PKHD1: variants seen among roughly 807,000 people sequenced by gnomAD.
PKHD1 encodes fibrocystin.
A neutral mutation model predicts 412.0 loss-of-function variants in PKHD1; 291 were observed. The observed-to-expected ratio is 0.71, with a 90% CI of 0.64 to 0.78. The LOEUF (loss-of-function observed/expected upper bound fraction) is 0.78, where lower values mean the gene tolerates loss of function less well. Among genes scored for constraint, PKHD1 ranks in the 30% least tolerant of loss-of-function variants. PKHD1 has a pLI of 0.00. For synonymous variants in PKHD1, 1,777 were observed against 1,821.5 expected, an observed-to-expected ratio of 0.98 and a Z score of 0.62; for missense variants, 4,825 against 4,950.7, an observed-to-expected ratio of 0.97 and a Z score of 0.76.
chr6:51,667,867 G>A (rs1309892936), intron 60 of PKHD1, among the ~76,000 whole-genome samples: 12 of 151,584 alleles, frequency 7.9e-5, no homozygotes, highest in South Asian at 6.3e-4. Flanking sequence ...GATACGCGGC[G>A]TTATTTCTGA....
intron 37 of PKHD1, among the ~76,000 whole-genome samples, chr6:51,914,105 ATCAGTAT>A (rs1253800476): frequency 6.6e-6 from 1 of 152,076 alleles, no homozygotes; most frequent in Non-Finnish European, 1.5e-5. Flanking sequence ...AGACTCTGTG[ATCAGTAT>A]TCACAATTCT....
At chr6:51,812,116 G>T (rs1043518511) in intron 52 of PKHD1, among the ~76,000 whole-genome samples, 1 of 152,110 alleles carries the variant, frequency 6.6e-6, no homozygotes, top group Non-Finnish European at 1.5e-5. Context: ...TTTACATCCC[G>T]CTCGGTCCCT....
At chr6:51,906,699 G>C (rs576948011) in intron 40 of PKHD1, among the ~76,000 whole-genome samples, 129 of 152,260 alleles carry the variant, frequency 8.5e-4, no homozygotes, top group Non-Finnish European at 1.5e-3. Flanking sequence ...ATAACGTGAA[G>C]AGCACTGCTT....
intron 52 of PKHD1, among the ~76,000 whole-genome samples, chr6:51,824,471 TC>T (rs1486180479): frequency 2.0e-5 from 3 of 152,138 alleles, no homozygotes; most frequent in Admixed American, 6.6e-5. Flanking sequence ...GACTTTGACA[TC>T]CTTAAAGCAA....
intron 4 of PKHD1, 146 bp downstream of exon 4, chr6:52,082,246 A>G: frequency 1.3e-6 from 1 of 795,088 alleles, no homozygotes; most frequent in Non-Finnish European, 2.2e-6. Context: ...GACCTTTTAG[A>G]AAGCATATTC....
At chr6:51,844,595 C>T (rs534865697) in intron 50 of PKHD1, among the ~76,000 whole-genome samples, 4 of 152,122 alleles carry the variant, frequency 2.6e-5, no homozygotes, top group Non-Finnish European at 5.9e-5. Flanking sequence ...GTTTTTTCCA[C>T]TCAGCTGGGT....
chr6:52,044,187 C>G (rs1182292565), intron 25 of PKHD1, among the ~76,000 whole-genome samples: 1 of 152,130 alleles, frequency 6.6e-6, no homozygotes, highest in East Asian at 1.9e-4. Flanking sequence ...CTTGGGGTCT[C>G]TTTTGTCACA....
chr6:51,834,969 T>A (rs1768933686), intron 51 of PKHD1, among the ~76,000 whole-genome samples: 1 of 152,170 alleles, frequency 6.6e-6, no homozygotes, highest in Non-Finnish European at 1.5e-5. Context: ...AAGTTTAATA[T>A]CTGGGCTTCA....
chr6:51,658,695 T>C (rs1772297422), intron 61 of PKHD1, among the ~76,000 whole-genome samples: 1 of 152,128 alleles, frequency 6.6e-6, no homozygotes, highest in South Asian at 2.1e-4. Flanking sequence ...TCTTCCTACA[T>C]GCTTTTCACC....
intron 60 of PKHD1, chr6:51,721,115 G>C (rs1039100994): frequency 6.1e-6 from 6 of 981,692 alleles, no homozygotes; most frequent in Non-Finnish European, 6.0e-6. Flanking sequence ...CAGTGCACAA[G>C]AATGGCACAC....
chr6:51,801,128 G>C (rs1350536130), intron 52 of PKHD1, among the ~76,000 whole-genome samples: 2 of 152,124 alleles, frequency 1.3e-5, no homozygotes, highest in Non-Finnish European at 2.9e-5. Context: ...ACAATGATTG[G>C]TGATATTTTC....
At chr6:51,771,633 ATTTGT>A (rs1198371789) in intron 55 of PKHD1, among the ~76,000 whole-genome samples, 2 of 151,912 alleles carry the variant, frequency 1.3e-5, no homozygotes, top group Admixed American at 6.6e-5. Flanking sequence ...AAAAAAAGGA[ATTTGT>A]TTTGTTTTAA....
chr6:52,048,521 C>G lies in PKHD1; in HGVS notation c.2378G>C (p.Arg793Pro). Reference protein sequence around the residue: ...RTSPPLGGHFRIQLPNTVISD... With the variant: ...RTSPPLGGHFPIQLPNTVISD... ...AATCACTGTATTAGGAAGCTGGATGCGAAAGTGTCCTCCTAGAGGTGGACT... is the reference window on the plus strand; with the variant it reads ...AATCACTGTATTAGGAAGCTGGATGGGAAAGTGTCCTCCTAGAGGTGGACT... Residue 793 changes from arginine to proline, a missense_variant, in exon 23 of 67, where the codon CGC (arginine) becomes CCC (proline). By Grantham distance (103) the Arg-to-Pro change is moderately radical (BLOSUM62 -2). Coordinates refer to ENST00000371117, the MANE Select transcript of PKHD1 (RefSeq NM_138694.4). The G allele has an allele frequency of 6.2e-7, 1 of 1,614,062 alleles. No homozygotes were observed. The highest frequency in any genetic ancestry group is 8.5e-7 in the Non-Finnish European group (1 of 1,179,946).
chr6:51,805,201 A>G (rs1384993669), intron 52 of PKHD1, among the ~76,000 whole-genome samples: 1 of 152,182 alleles, frequency 6.6e-6, no homozygotes, highest in Non-Finnish European at 1.5e-5. Context: ...CACAGCCATA[A>G]AAAAGAATAA....
At chr6:51,846,346 G>A (rs964158892) in intron 50 of PKHD1, among the ~76,000 whole-genome samples, 6 of 152,112 alleles carry the variant, frequency 3.9e-5, no homozygotes, top group South Asian at 2.1e-4. Flanking sequence ...CCATTGCCTC[G>A]CCCTCTAAAT....
chr6:51,721,156 G>A, intron 60 of PKHD1: 1 of 950,600 alleles, frequency 1.1e-6, no homozygotes, highest in Non-Finnish European at 1.3e-6. Context: ...GGGCACATGG[G>A]AGTTATTTAT....
At chr6:51,994,486 A>C (rs960939028) in intron 35 of PKHD1, among the ~76,000 whole-genome samples, 1 of 152,140 alleles carries the variant, frequency 6.6e-6, no homozygotes, top group African/African-American at 2.4e-5. Context: ...TTGCTTACAG[A>C]ATTCACATTG....
At chr6:51,683,411 A>G (rs1383923886) in intron 60 of PKHD1, among the ~76,000 whole-genome samples, 7 of 152,110 alleles carry the variant, frequency 4.6e-5, no homozygotes, top group Admixed American at 3.3e-4. Flanking sequence ...TGGAACTATA[A>G]GAACAAATAC....
Position 52,025,802 on chromosome 6 carries a change from ACAGTTCAG to A in PKHD1, c.4000_4007del (p.Leu1334Ter). On this transcript the variant is annotated frameshift_variant, in exon 32 of 67. Transcript: ENST00000371117. LOFTEE classifies it high-confidence loss of function. The stretch of plus-strand genomic sequence containing the variant: ...CCTGGAAGGACTGTGTCTCAACATC[ACAGTTCAG>A]GTTCCCCAGAAGGATGACTGAGTTG... 6.2e-7 allele frequency: 1 copy of A among 1,614,142 alleles called. No individual in the cohort carries two copies. Among genetic ancestry groups the A allele is most frequent in the Non-Finnish European group, 8.5e-7 (1 of 1,180,010 alleles).
Sources: allele counts gnomAD v4.1 joint callset (sites outside exome capture counted in the v4.1 genomes callset), GRCh38; gene constraint gnomAD v4.1.1; transcripts MANE v1.5; gene names NCBI Gene and HGNC (gene_info 2026-07-23, HGNC 2026-07-21).